NTNG1: variants seen among roughly 807,000 people sequenced by gnomAD.
The protein encoded by NTNG1 is netrin G1.
In NTNG1, 16 loss-of-function variants were observed where a neutral mutation model predicts 54.0. The ratio of observed to expected loss-of-function variants is 0.30; its 90% CI spans 0.20 to 0.45. The LOEUF is 0.45. Among genes scored for constraint, NTNG1 ranks in the 20% least tolerant of loss-of-function variants. NTNG1 has a pLI of 1.00. For synonymous variants in NTNG1, 255 were observed against 263.1 expected, an observed-to-expected ratio of 0.97 and a Z score of 0.30; for missense variants, 530 against 678.7, an observed-to-expected ratio of 0.78 and a Z score of 2.43.
intron 2 of NTNG1, among the ~76,000 whole-genome samples, chr1:107,319,815 T>A (rs1667546830): frequency 6.6e-6 from 1 of 151,546 alleles, no homozygotes. Context: ...AAAGGCAAAG[T>A]CAAAATGATA....
intron 6 of NTNG1, among the ~76,000 whole-genome samples, chr1:107,433,949 G>A (rs778231479): frequency 2.0e-5 from 3 of 152,160 alleles, no homozygotes; most frequent in Non-Finnish European, 4.4e-5. Flanking sequence ...CGGCAGGACT[G>A]TTAAATTCGA....
intron 5 of NTNG1, among the ~76,000 whole-genome samples, chr1:107,416,213 T>C (rs984116361): frequency 6.6e-6 from 1 of 152,068 alleles, no homozygotes; most frequent in Non-Finnish European, 1.5e-5. Context: ...CCACTGGAGA[T>C]ATGTATGGAT....
At chr1:107,164,132 C>T (rs1655598395) in intron 2 of NTNG1, among the ~76,000 whole-genome samples, 1 of 152,210 alleles carries the variant, frequency 6.6e-6, no homozygotes, top group South Asian at 2.1e-4. Context: ...ATCAAGGTGA[C>T]TGTGAATTAA....
intron 7 of NTNG1, among the ~76,000 whole-genome samples, chr1:107,479,129 T>TA: frequency 6.6e-6 from 1 of 152,202 alleles, no homozygotes; most frequent in South Asian, 2.1e-4. Flanking sequence ...ATTATGCCAA[T>TA]ACACTACGCA....
chr1:107,419,861 A>G (rs926600738), intron 5 of NTNG1, among the ~76,000 whole-genome samples: 1 of 152,078 alleles, frequency 6.6e-6, no homozygotes. Flanking sequence ...TACATATATT[A>G]CTAGCAAATA....
chr1:107,205,618 C>CT (rs1204470957), intron 2 of NTNG1, among the ~76,000 whole-genome samples: 4 of 151,630 alleles, frequency 2.6e-5, no homozygotes, highest in Admixed American at 6.6e-5. Flanking sequence ...ATAAAGCAGA[C>CT]TTTTTTTTTA....
chr1:107,407,430 T>C (rs1335078739), intron 4 of NTNG1, among the ~76,000 whole-genome samples: 5 of 152,088 alleles, frequency 3.3e-5, no homozygotes, highest in Non-Finnish European at 7.4e-5. Context: ...GAGTATTAAC[T>C]TCCCAACTCT....
At chr1:107,441,805 C>T (rs944682671) in intron 7 of NTNG1, among the ~76,000 whole-genome samples, 2 of 152,048 alleles carry the variant, frequency 1.3e-5, no homozygotes, top group Non-Finnish European at 2.9e-5. Context: ...GTTATGAAGA[C>T]AGAATGCAAC....
At chr1:107,270,142 A>G (rs1368598902) in intron 2 of NTNG1, among the ~76,000 whole-genome samples, 1 of 152,248 alleles carries the variant, frequency 6.6e-6, no homozygotes, top group Non-Finnish European at 1.5e-5. Context: ...GATGTAAAAC[A>G]GTGAGTAACT....
intron 3 of NTNG1, among the ~76,000 whole-genome samples, chr1:107,358,148 A>C (rs1004532317): frequency 6.6e-6 from 1 of 152,198 alleles, no homozygotes; most frequent in African/African-American, 2.4e-5. Context: ...AATATGCACA[A>C]CCTGAAAGTA....
chr1:107,479,136 C>T (rs7544979), intron 7 of NTNG1, among the ~76,000 whole-genome samples: 17,483 of 152,168 alleles, frequency 0.11, 1,242 homozygotes, highest in Admixed American at 0.23. Flanking sequence ...CAATACACTA[C>T]GCAACCGTGT....
intron 3 of NTNG1, among the ~76,000 whole-genome samples, chr1:107,388,554 A>G (rs1384578788): frequency 6.6e-6 from 1 of 152,244 alleles, no homozygotes; most frequent in Non-Finnish European, 1.5e-5. Flanking sequence ...TGAGCTTGGT[A>G]TGAAACAATA....
intron 7 of NTNG1, among the ~76,000 whole-genome samples, chr1:107,477,417 C>T (rs1164285007): frequency 6.6e-6 from 1 of 152,246 alleles, no homozygotes; most frequent in Non-Finnish European, 1.5e-5. Context: ...CCTACTTTCT[C>T]TGCTCCCTCT....
At chr1:107,295,758 C>T (rs1229645289) in intron 2 of NTNG1, among the ~76,000 whole-genome samples, 1 of 151,698 alleles carries the variant, frequency 6.6e-6, no homozygotes, top group Non-Finnish European at 1.5e-5. Flanking sequence ...ATAAATTATG[C>T]AAAGCAGAAA....
intron 2 of NTNG1, among the ~76,000 whole-genome samples, chr1:107,208,251 G>A (rs189227641): frequency 1.2e-4 from 19 of 152,042 alleles, no homozygotes; most frequent in African/African-American, 3.9e-4. Flanking sequence ...CCAACATGGA[G>A]AAACCCCCGT....
intron 7 of NTNG1, 37 bp from the exon 8 acceptor site, chr1:107,480,574 G>GCC: frequency 9.3e-6 from 3 of 324,108 alleles, no homozygotes; most frequent in Non-Finnish European, 1.2e-5. Context: ...TCTCCTCCCC[G>GCC]CGCCCACCCA....
At chr1:107,462,557 A>T (rs1236884687) in intron 7 of NTNG1, among the ~76,000 whole-genome samples, 3 of 152,190 alleles carry the variant, frequency 2.0e-5, no homozygotes, top group Non-Finnish European at 4.4e-5. Context: ...TTTTAATTTA[A>T]ACCTCACCTT....
At chr1:107,421,615 A>G (rs776370985) in intron 5 of NTNG1, among the ~76,000 whole-genome samples, 2 of 152,122 alleles carry the variant, frequency 1.3e-5, no homozygotes, top group Non-Finnish European at 2.9e-5. Context: ...TTTGAAAAAC[A>G]CAAGTGAAGA....
chr1:107,477,939 C>T (rs1314912710), intron 7 of NTNG1, among the ~76,000 whole-genome samples: 1 of 152,048 alleles, frequency 6.6e-6, no homozygotes, highest in Non-Finnish European at 1.5e-5. Flanking sequence ...TTTTATCATC[C>T]CAGCCAGATT....
Sources: allele counts gnomAD v4.1 joint callset (sites outside exome capture counted in the v4.1 genomes callset), GRCh38; gene constraint gnomAD v4.1.1; transcripts MANE v1.5; gene names NCBI Gene and HGNC (gene_info 2026-07-23, HGNC 2026-07-21).